The following DLGAP1 variants were observed in gnomAD, a reference collection of about 807,000 sequenced individuals.
DLGAP1 encodes the protein disks large-associated protein 1.
In DLGAP1, 11 loss-of-function variants were observed where a neutral mutation model predicts 90.8. That is an observed-to-expected ratio of 0.12 (90% CI 0.08 to 0.20). DLGAP1 has a LOEUF of 0.20. Ranked by LOEUF, DLGAP1 falls within the 10% of genes least tolerant of loss-of-function variation. The pLI is 1.00. For synonymous variants in DLGAP1, 558 were observed against 540.7 expected, an observed-to-expected ratio of 1.03 and a Z score of -0.44; for missense variants, 1,050 against 1,333.8, an observed-to-expected ratio of 0.79 and a Z score of 3.31.
chr18:4,362,442 A>G (rs1202754559), intron 1 of DLGAP1, among the ~76,000 whole-genome samples: 1 of 152,216 alleles, frequency 6.6e-6, no homozygotes, highest in Non-Finnish European at 1.5e-5. Flanking sequence ...ATGGACCTTG[A>G]GGATATTACA....
intron 7 of DLGAP1, among the ~76,000 whole-genome samples, chr18:3,612,449 A>C (rs1013779174): frequency 6.6e-6 from 1 of 152,242 alleles, no homozygotes; most frequent in African/African-American, 2.4e-5. Context: ...CATTTTAACC[A>C]GGGGACCCGT....
intron 4 of DLGAP1, among the ~76,000 whole-genome samples, chr18:3,837,693 A>G: frequency 6.6e-6 from 1 of 151,884 alleles, no homozygotes; most frequent in African/African-American, 2.4e-5. Flanking sequence ...TACTAAAAAT[A>G]CAAAAAAAAT....
At position 3,568,964 on chromosome 18, in the gene DLGAP1, C is replaced by G. The variant is rs187820994; in HGVS notation, c.1966-1383G>C. ...GCCTCCCAAAGTGCTGGGATTACAG[C>G]CATGAGCCACCACGCCTGGCCTAAA... On this transcript the variant is annotated intron_variant, in intron 8 of 12. Transcript: ENST00000315677. 4.4e-3 allele frequency among the ~76,000 whole-genome samples: 650 copies of G among 148,036 alleles called. 5 individuals carry two copies. The highest frequency in any genetic ancestry group is 0.013 in the African/African-American group (523 of 40,582).
chr18:4,051,472 A>G (rs1249455200), intron 2 of DLGAP1, among the ~76,000 whole-genome samples: 1 of 152,216 alleles, frequency 6.6e-6, no homozygotes, highest in Non-Finnish European at 1.5e-5. Context: ...AAACCATAAG[A>G]TCTTGTGAGA....
At chr18:4,280,667 C>T (rs988068636) in intron 1 of DLGAP1, 1 of 152,172 alleles carries the variant, frequency 6.6e-6, no homozygotes, top group Non-Finnish European at 1.5e-5. Flanking sequence ...TTTCTACAGT[C>T]TGATAAAAAC....
At chr18:4,259,078 C>T (rs751644813) in intron 1 of DLGAP1, among the ~76,000 whole-genome samples, 6 of 152,152 alleles carry the variant, frequency 3.9e-5, no homozygotes, top group Admixed American at 6.6e-5. Flanking sequence ...GCAGGACATC[C>T]GTGATTTTTG....
At chr18:3,643,306 G>C (rs1486982925) in intron 7 of DLGAP1, among the ~76,000 whole-genome samples, 1 of 151,948 alleles carries the variant, frequency 6.6e-6, no homozygotes, top group African/African-American at 2.4e-5. Flanking sequence ...AAAACCAAAG[G>C]GGTATTCTCT....
chr18:3,728,834 C>T (rs564512160), intron 7 of DLGAP1, among the ~76,000 whole-genome samples: 131 of 152,234 alleles, frequency 8.6e-4, no homozygotes, highest in African/African-American at 3.1e-3. Flanking sequence ...GGGATCGGCT[C>T]CTAGGACCTG....
intron 2 of DLGAP1, among the ~76,000 whole-genome samples, chr18:4,083,101 T>C (rs2075635158): frequency 6.6e-6 from 1 of 152,132 alleles, no homozygotes; most frequent in South Asian, 2.1e-4. Context: ...AAGAGATAAA[T>C]ATACATGTGA....
At chr18:4,445,468 C>T (rs1186881169) in intron 1 of DLGAP1, among the ~76,000 whole-genome samples, 1 of 119,978 alleles carries the variant, frequency 8.3e-6, no homozygotes, top group Non-Finnish European at 1.6e-5. Flanking sequence ...CCACCACAGT[C>T]CCCAGAGTAT....
intron 3 of DLGAP1, among the ~76,000 whole-genome samples, chr18:4,004,667 G>A (rs1477837499): frequency 6.6e-6 from 1 of 152,186 alleles, no homozygotes; most frequent in Non-Finnish European, 1.5e-5. Context: ...AATAACCAGT[G>A]TGTGAGAGTT....
chr18:4,290,235 G>T (rs1008227048), intron 1 of DLGAP1, among the ~76,000 whole-genome samples: 8 of 152,150 alleles, frequency 5.3e-5, no homozygotes, highest in African/African-American at 1.7e-4. Context: ...TAGGTATTAT[G>T]CATACGGTTT....
At chr18:4,181,226 T>A (rs1413672948) in intron 1 of DLGAP1, among the ~76,000 whole-genome samples, 1 of 152,192 alleles carries the variant, frequency 6.6e-6, no homozygotes, top group Non-Finnish European at 1.5e-5. Context: ...AGACTCCTGT[T>A]ATTTCATGTG....
At chr18:3,768,670 C>A (rs529617649) in intron 5 of DLGAP1, among the ~76,000 whole-genome samples, 101 of 152,234 alleles carry the variant, frequency 6.6e-4, no homozygotes, top group Non-Finnish European at 1.1e-3. Flanking sequence ...GACAAAAGTG[C>A]AAAAGCAATT....
At chr18:3,817,927 G>A (rs888446077) in intron 4 of DLGAP1, among the ~76,000 whole-genome samples, 1 of 152,172 alleles carries the variant, frequency 6.6e-6, no homozygotes, top group Non-Finnish European at 1.5e-5. Context: ...TTCAGGAGCT[G>A]GAAGTCTTGG....
chr18:4,282,651 A>C (rs1336886084), intron 1 of DLGAP1, among the ~76,000 whole-genome samples: 1 of 152,198 alleles, frequency 6.6e-6, no homozygotes, highest in Non-Finnish European at 1.5e-5. Flanking sequence ...TTGCCATAGA[A>C]GCATTAACAA....
chr18:4,181,086 C>G (rs1268905916), intron 1 of DLGAP1, among the ~76,000 whole-genome samples: 1 of 152,162 alleles, frequency 6.6e-6, no homozygotes, highest in Non-Finnish European at 1.5e-5. Flanking sequence ...TTTGACCTAA[C>G]TTAGTAAGGT....
chr18:4,127,295 A>G (rs969292171), intron 2 of DLGAP1, among the ~76,000 whole-genome samples: 2 of 152,206 alleles, frequency 1.3e-5, no homozygotes, highest in South Asian at 4.1e-4. Context: ...CACTTTTAAA[A>G]GAATAACTAT....
At chr18:3,972,586 G>A (rs908833736) in intron 3 of DLGAP1, among the ~76,000 whole-genome samples, 3 of 151,790 alleles carry the variant, frequency 2.0e-5, no homozygotes, top group Admixed American at 1.3e-4. Context: ...TAGATCTGTG[G>A]GAACCTGATT....
Sources: allele counts gnomAD v4.1 joint callset (sites outside exome capture counted in the v4.1 genomes callset), GRCh38; gene constraint gnomAD v4.1.1; transcripts MANE v1.5; gene names NCBI Gene and HGNC (gene_info 2026-07-23, HGNC 2026-07-21).